The following PADI3 variants were observed in gnomAD, a reference collection of about 807,000 sequenced individuals.
PADI3 encodes protein-arginine deiminase type-3.
A neutral mutation model predicts 71.5 loss-of-function variants in PADI3; 53 were observed. The ratio of observed to expected loss-of-function variants is 0.74; its 90% CI spans 0.59 to 0.93. The LOEUF (loss-of-function observed/expected upper bound fraction) is 0.93. Among genes scored for constraint, PADI3 ranks in the 40% least tolerant of loss-of-function variants. The probability of loss-of-function intolerance (pLI) is 0.00; values close to 1 mark genes in which losing one functional copy is unlikely to be tolerated. For missense variants in PADI3, 821 were observed against 868.0 expected (o/e 0.95, Z 0.68); for synonymous variants, 361 against 347.5 (o/e 1.04, Z -0.43).
chr1:17,272,938 G>A (rs1362015564), intron 9 of PADI3, among the ~76,000 whole-genome samples: 1 of 152,218 alleles, frequency 6.6e-6, no homozygotes, highest in Non-Finnish European at 1.5e-5. Flanking sequence ...TGGATGTGAA[G>A]TTCATTCACA....
chr1:17,254,465 G>A (rs1352839869), intron 1 of PADI3, among the ~76,000 whole-genome samples: 3 of 152,186 alleles, frequency 2.0e-5, no homozygotes, highest in Non-Finnish European at 4.4e-5. Flanking sequence ...GGCGAGTGGG[G>A]ACAGAGCTGG....
At chr1:17,256,469 C>T (rs11803680) in intron 1 of PADI3, among the ~76,000 whole-genome samples, 14,025 of 152,250 alleles carry the variant, frequency 0.092, 689 homozygotes, top group South Asian at 0.2. Flanking sequence ...GTAGCTTGTT[C>T]ACCTGTGCTA....
At chr1:17,269,133 C>A (rs61768185) in intron 6 of PADI3, among the ~76,000 whole-genome samples, 17,340 of 151,960 alleles carry the variant, frequency 0.11, 1,003 homozygotes, top group South Asian at 0.18. Flanking sequence ...AATCCACCCG[C>A]TTTGGCCTCT....
At chr1:17,269,776 G>A (rs933763182) in intron 6 of PADI3, among the ~76,000 whole-genome samples, 20 of 151,846 alleles carry the variant, frequency 1.3e-4, no homozygotes, top group African/African-American at 4.4e-4. Context: ...CACCACCACC[G>A]CCCGGCTAAT....
chr1:17,282,116 G>A (rs2073409465), intron 15 of PADI3, among the ~76,000 whole-genome samples: 2 of 152,110 alleles, frequency 1.3e-5, no homozygotes, highest in South Asian at 4.1e-4. Context: ...CTTCCTTCCT[G>A]TTCGAGGCTA....
intron 1 of PADI3, 103 bp downstream of exon 1, chr1:17,249,332 C>G (rs1270452742): frequency 3.2e-6 from 3 of 944,966 alleles, no homozygotes; most frequent in African/African-American, 1.6e-5. Flanking sequence ...CACTCCCCAG[C>G]CTTGGCCTCG....
chr1:17,272,216 C>T (rs115277912), intron 9 of PADI3, among the ~76,000 whole-genome samples: 7 of 152,156 alleles, frequency 4.6e-5, no homozygotes, highest in African/African-American at 1.7e-4. Flanking sequence ...CTGGCAGAGA[C>T]CGAGCATGCG....
chr1:17,264,331 TACACAC>T (rs60223695), intron 3 of PADI3, among the ~76,000 whole-genome samples: 7,085 of 148,198 alleles, frequency 0.048, 204 homozygotes, highest in East Asian at 0.12. Context: ...AAAGCATATG[TACACAC>T]ACACACACAC....
intron 1 of PADI3, among the ~76,000 whole-genome samples, chr1:17,250,079 T>C (rs1352953664): frequency 6.6e-6 from 1 of 151,800 alleles, no homozygotes; most frequent in Non-Finnish European, 1.5e-5. Flanking sequence ...AGGGTTAGGG[T>C]AGGGTTTTAA....
rs184220189 is a variant in PADI3 at position 17,278,310 on chromosome 1, C to T, written c.1555+1434C>T. Among the ~76,000 whole-genome samples, 507 of 152,282 alleles carry T rather than the reference C, an allele frequency of 3.3e-3. 3 individuals are homozygous for T. Among genetic ancestry groups the T allele is most frequent in the African/African-American group, 0.012 (486 of 41,548 alleles). On this transcript the variant is annotated intron_variant, in intron 13 of 15. Coordinates refer to ENST00000375460, the MANE Select transcript of PADI3 (RefSeq NM_016233.2). The stretch of plus-strand genomic sequence containing the variant: ...TGACATGATCTCAGCTCACTGCAGC[C>T]TCGACCTCCCAGACTTAAGCGAGTC...
rs2073392746 is a variant in PADI3 at position 17,280,903 on chromosome 1, TG to T, written c.1761+112del. On this transcript the variant is annotated intron_variant, in intron 15 of 15. Transcript: ENST00000375460. Reference sequence around the variant, plus strand: ...TCATATTTAGGATTGTGGTGGCCAGTGGGGGTGGCAGGGAGAATCAGGGGTC... The same window carrying T: ...TCATATTTAGGATTGTGGTGGCCAGTGGGGTGGCAGGGAGAATCAGGGGTC... The T allele has an allele frequency of 1.9e-5, 26 of 1,403,934 alleles. No homozygotes were observed. The South Asian group carries it at 3.2e-4, about 17-fold the overall frequency. The allele number at this position is 1,403,934 out of a possible 1,614,324, so 87.0% of individuals were successfully genotyped here.
chr1:17,276,738 G>T (rs1284143443), intron 12 of PADI3, 36 bp from the exon 13 acceptor site: 1 of 1,613,702 alleles, frequency 6.2e-7, no homozygotes, highest in South Asian at 1.1e-5. Context: ...CCATGCCAAG[G>T]CAGGAGGCTC....
intron 6 of PADI3, 27 bp downstream of exon 6, chr1:17,267,989 A>T: frequency 6.2e-7 from 1 of 1,613,274 alleles, no homozygotes; most frequent in Non-Finnish European, 8.5e-7. Context: ...GCCCCTTGCC[A>T]TCTGTGCCCT....
intron 2 of PADI3, among the ~76,000 whole-genome samples, chr1:17,260,616 A>G (rs1026954104): frequency 1.3e-5 from 2 of 152,174 alleles, no homozygotes; most frequent in African/African-American, 4.8e-5. Flanking sequence ...GCTAGAATTC[A>G]GTGCAGACCC....
chr1:17,267,301 C>T (rs368644698), intron 5 of PADI3, among the ~76,000 whole-genome samples: 1 of 152,212 alleles, frequency 6.6e-6, no homozygotes, highest in African/African-American at 2.4e-5. Context: ...TCCTTCAGCA[C>T]CTCTGGCCTA....
chr1:17,265,042 T>C (rs2073150006), intron 3 of PADI3, among the ~76,000 whole-genome samples: 1 of 152,044 alleles, frequency 6.6e-6, no homozygotes, highest in African/African-American at 2.4e-5. Context: ...TAATGTATTC[T>C]TTCTTCTCTC....
intron 1 of PADI3, among the ~76,000 whole-genome samples, chr1:17,252,249 A>T (rs997484424): frequency 6.6e-6 from 1 of 152,116 alleles, no homozygotes; most frequent in Non-Finnish European, 1.5e-5. Context: ...GCTATCCCAC[A>T]GGGCTATAGG....
chr1:17,259,661 G>A lies in PADI3; in HGVS notation c.176G>A (p.Gly59Asp), dbSNP rs2073077057. 1 of 1,613,970 alleles carries A rather than the reference G, an allele frequency of 6.2e-7. No homozygotes were observed. The highest frequency in any genetic ancestry group is 8.5e-7 in the Non-Finnish European group (1 of 1,179,892). ...DIYISPNMER[G>D]RERADTRRWR... Reference sequence around the variant, plus strand: ...TACATCTCTCCCAACATGGAGAGGGGCCGGGAGCGTGCAGACACCAGGCGG... The same window carrying A: ...TACATCTCTCCCAACATGGAGAGGGACCGGGAGCGTGCAGACACCAGGCGG... Residue 59 changes from glycine (G) to aspartate (D), a missense_variant, in exon 2 of 16, where the codon GGC becomes GAC. Transcript: ENST00000375460.
At position 17,259,671 on chromosome 1, in the gene PADI3, T is replaced by C; in HGVS notation, c.186T>C (p.Arg62=). The change falls in exon 2 of 16, where the codon CGT becomes CGC. Residue 62 remains arginine, a synonymous_variant. Transcript: ENST00000375460. Reference sequence around the variant, plus strand: ...CCAACATGGAGAGGGGCCGGGAGCGTGCAGACACCAGGCGGTGGCGCTTTG... The same window carrying C: ...CCAACATGGAGAGGGGCCGGGAGCGCGCAGACACCAGGCGGTGGCGCTTTG... ...ISPNMERGRE[R]ADTRRWRFDA... The C allele has an allele frequency of 6.2e-7, 1 of 1,613,910 alleles. No individual in the cohort carries two copies. The highest frequency in any genetic ancestry group is 8.5e-7 in the Non-Finnish European group (1 of 1,179,850).
Sources: allele counts gnomAD v4.1 joint callset (sites outside exome capture counted in the v4.1 genomes callset), GRCh38; gene constraint gnomAD v4.1.1; transcripts MANE v1.5; gene names NCBI Gene and HGNC (gene_info 2026-07-23, HGNC 2026-07-21).